PKHD1L1: variants seen among roughly 807,000 people sequenced by gnomAD.
PKHD1L1 encodes the protein PKHD1 like 1.
In PKHD1L1, 434 loss-of-function variants were observed where a neutral mutation model predicts 462.9. The ratio of observed to expected loss-of-function variants is 0.94; its 90% CI spans 0.87 to 1.02. PKHD1L1 has a LOEUF of 1.02. Among genes scored for constraint, PKHD1L1 ranks in the 50% least tolerant of loss-of-function variants. PKHD1L1 has a pLI of 0.00. For synonymous variants in PKHD1L1, 1,781 were observed against 1,750.0 expected, an observed-to-expected ratio of 1.02 and a Z score of -0.44; for missense variants, 5,202 against 5,096.1, an observed-to-expected ratio of 1.02 and a Z score of -0.63.
In PKHD1L1 at chr8:109,464,799, G is replaced by A; in HGVS notation, c.7967G>A (p.Cys2656Tyr). The A allele has an allele frequency of 6.2e-7, 1 of 1,613,774 alleles. No homozygotes were observed. Among genetic ancestry groups the A allele is most frequent in the Non-Finnish European group, 8.5e-7 (1 of 1,179,782 alleles). The change falls in exon 49 of 78, where the codon TGT (cysteine) becomes TAT (tyrosine). Residue 2656 changes from cysteine to tyrosine, a missense_variant. Cys to Tyr is a radical substitution (Grantham distance 194). This residue lies in a region of PKHD1L1 where 4,497 missense variants were observed against 4,336.8 expected (regional missense o/e 1.04). Transcript: ENST00000378402. ...AIFNSLTTWNCQKGAEWVNGG... is the reference protein window; with the variant it reads ...AIFNSLTTWNYQKGAEWVNGG... ...TTTAACTCACTTACTACTTGGAATT[G>A]TCAAAAAGGAGCTGAATGGGTCAAT...
At chr8:109,504,555 C>A in intron 68 of PKHD1L1, 63 bp downstream of exon 68, 2 of 1,024,464 alleles carry the variant, frequency 2.0e-6, no homozygotes, top group Admixed American at 3.9e-5. Context: ...CTTCCTCCTG[C>A]TCAAGATCTG....
In PKHD1L1 at chr8:109,400,529, C is replaced by A. The variant is rs1167446333; in HGVS notation, c.1281+185C>A. Among the ~76,000 whole-genome samples the A allele has an allele frequency of 2.0e-5, 3 of 151,912 alleles. No homozygotes were observed. The South Asian group carries it at 6.2e-4, about 32-fold the overall frequency. ...TATAAGATGATAGAAAACCTATAGCCTACAAGAAAATTTCCCGTACCTGAA... is the reference window on the plus strand; with the variant it reads ...TATAAGATGATAGAAAACCTATAGCATACAAGAAAATTTCCCGTACCTGAA... On this transcript the variant is annotated intron_variant, in intron 13 of 77. Transcript: ENST00000378402.
chr8:109,374,074 C>T lies in PKHD1L1; in HGVS notation c.164-7296C>T, dbSNP rs185930631. ...GGATATCCTTGTTAACTTTCTGTCTCGTTGATCTGTCTAATGTTGACAGTG... is the reference window on the plus strand; with the variant it reads ...GGATATCCTTGTTAACTTTCTGTCTTGTTGATCTGTCTAATGTTGACAGTG... On this transcript the variant is annotated intron_variant, in intron 2 of 77. Transcript: ENST00000378402. Among the ~76,000 whole-genome samples, 287 of 152,136 alleles carry T rather than the reference C, an allele frequency of 1.9e-3. 2 individuals carry two copies. Among genetic ancestry groups the T allele is most frequent in the African/African-American group, 6.5e-3 (271 of 41,494 alleles).
At chr8:109,427,820 T>G (rs935842516) in intron 25 of PKHD1L1, among the ~76,000 whole-genome samples, 1 of 151,720 alleles carries the variant, frequency 6.6e-6, no homozygotes, top group African/African-American at 2.4e-5. Context: ...GAGTTCGAGA[T>G]GAGCCTGACC....
rs1251072856 is a variant in PKHD1L1 at position 109,522,903 on chromosome 8, T to C, written c.12330+13T>C. 1 of 1,582,528 alleles carries C rather than the reference T, an allele frequency of 6.3e-7. No individual in the cohort carries two copies. Among genetic ancestry groups the C allele is most frequent in the African/African-American group, 1.4e-5 (1 of 73,984 alleles). ...AACAGATTCTGACGTAAGTCATAACTCAAAATTTTACTTAAGTGAAGGAAT... is the reference window on the plus strand; with the variant it reads ...AACAGATTCTGACGTAAGTCATAACCCAAAATTTTACTTAAGTGAAGGAAT... On this transcript the variant is annotated intron_variant, in intron 75 of 77. Coordinates refer to ENST00000378402, the MANE Select transcript of PKHD1L1 (RefSeq NM_177531.6).
intron 2 of PKHD1L1, among the ~76,000 whole-genome samples, chr8:109,365,154 G>A (rs555988298): frequency 6.6e-6 from 1 of 152,150 alleles, no homozygotes; most frequent in Non-Finnish European, 1.5e-5. Flanking sequence ...CTGGTCTTAG[G>A]ATGAAATGTA....
chr8:109,477,782 A>G (rs559329518), intron 53 of PKHD1L1, among the ~76,000 whole-genome samples: 3 of 152,298 alleles, frequency 2.0e-5, no homozygotes, highest in East Asian at 3.9e-4. Flanking sequence ...CGTGAATCCA[A>G]TGCTTTCTTA....
chr8:109,420,965 C>T (rs1814433699), intron 23 of PKHD1L1, among the ~76,000 whole-genome samples: 1 of 151,864 alleles, frequency 6.6e-6, no homozygotes, highest in African/African-American at 2.4e-5. Context: ...AAATTATGGT[C>T]TCTTCCAATA....
intron 68 of PKHD1L1, among the ~76,000 whole-genome samples, chr8:109,506,743 A>G (rs1489803465): frequency 1.3e-5 from 2 of 152,198 alleles, no homozygotes; most frequent in African/African-American, 2.4e-5. Context: ...ATAGCTTCAT[A>G]TCTTTCTCAT....
intron 23 of PKHD1L1, among the ~76,000 whole-genome samples, chr8:109,424,121 C>T (rs1484132394): frequency 6.6e-6 from 1 of 152,098 alleles, no homozygotes; most frequent in African/African-American, 2.4e-5. Flanking sequence ...CTTTCTTAAA[C>T]TCACTCCTCA....
At chr8:109,412,662 GA>G (rs949719878) in intron 20 of PKHD1L1, among the ~76,000 whole-genome samples, 2 of 151,522 alleles carry the variant, frequency 1.3e-5, no homozygotes, top group Non-Finnish European at 2.9e-5. Flanking sequence ...TTTAATTTCA[GA>G]AAAAAATATT....
In PKHD1L1 at chr8:109,404,615, T is replaced by C; in HGVS notation, c.1435T>C (p.Tyr479His). Residue 479 changes from tyrosine (Y) to histidine (H), a missense_variant, in exon 15 of 78, where the codon TAC (tyrosine) becomes CAC (histidine). By Grantham distance (83) the Tyr-to-His change is moderately conservative. This residue lies in a region of PKHD1L1 where 4,497 missense variants were observed against 4,336.8 expected (regional missense o/e 1.04). Coordinates refer to ENST00000378402, the MANE Select transcript of PKHD1L1 (RefSeq NM_177531.6). ...AAGTGCATTTGTTGATGTTGGACTG[T>C]ACCAGTATCGAAATGTTTATACTGA... is the stretch of plus-strand genomic sequence containing the variant. The part of the protein sequence containing the change: ...RLSAFVDVGL[Y>H]QYRNVYTEQQ... 3.7e-6 allele frequency: 6 copies of C among 1,607,622 alleles called. No homozygotes were observed. Among genetic ancestry groups the C allele is most frequent in the Non-Finnish European group, 5.1e-6 (6 of 1,176,278 alleles).
chr8:109,397,945 T>A (rs910848408), intron 11 of PKHD1L1, among the ~76,000 whole-genome samples: 3 of 152,168 alleles, frequency 2.0e-5, no homozygotes, highest in Non-Finnish European at 4.4e-5. Context: ...AATAGCTATC[T>A]TTTAGCCTTT....
At chr8:109,419,536 A>T (rs1194080335) in intron 22 of PKHD1L1, among the ~76,000 whole-genome samples, 1 of 151,970 alleles carries the variant, frequency 6.6e-6, no homozygotes, top group Non-Finnish European at 1.5e-5. Context: ...ACTATGTCAA[A>T]CATTTTCTTT....
intron 52 of PKHD1L1, 37 bp from the exon 53 acceptor site, chr8:109,477,188 A>G (rs1818031561): frequency 2.5e-6 from 4 of 1,605,872 alleles, no homozygotes; most frequent in Non-Finnish European, 3.4e-6. Flanking sequence ...TACTTTGGTC[A>G]CTATGTTCAT....
chr8:109,530,470 TGAG>T lies in PKHD1L1; in HGVS notation c.*382_*384del, dbSNP rs980735614. ...CATTTTAAGTATTCTTTTTAATACT[TGAG>T]GGGGGGGGTTCTTATTTTCTCTATC... is the stretch of plus-strand genomic sequence containing the variant. On this transcript the variant is annotated 3_prime_UTR_variant, in exon 78 of 78. Coordinates refer to ENST00000378402, the MANE Select transcript of PKHD1L1 (RefSeq NM_177531.6). 3 of 138,046 alleles carry T rather than the reference TGAG, an allele frequency of 2.2e-5. No homozygotes were observed. Among genetic ancestry groups the T allele is most frequent in the African/African-American group, 9.1e-5 (3 of 33,046 alleles). 8.6% of individuals were successfully genotyped at this position (138,046 alleles called of 1,614,324 possible).
chr8:109,471,625 G>C (rs757489528), intron 50 of PKHD1L1, among the ~76,000 whole-genome samples: 3 of 152,122 alleles, frequency 2.0e-5, no homozygotes, highest in Non-Finnish European at 4.4e-5. Flanking sequence ...ACGGTAACAA[G>C]AGTATGTGGC....
In PKHD1L1 at chr8:109,445,399, G is replaced by T. The variant is rs755648321; in HGVS notation, c.5530G>T (p.Gly1844Cys). ...TCTATCACCAACTTCTGGAAGCATTGGTGGTGGAACTACACTGGTGATCAC... is the reference window on the plus strand; with the variant it reads ...TCTATCACCAACTTCTGGAAGCATTTGTGGTGGAACTACACTGGTGATCAC... Reference protein sequence around the residue: ...ASLSPTSGSIGGGTTLVITGN... With the variant: ...ASLSPTSGSICGGTTLVITGN... Residue 1844 changes from glycine (G) to cysteine (C), a missense_variant, in exon 38 of 78, where the codon GGT becomes TGT. Gly to Cys is a radical substitution (Grantham distance 159). This residue lies in a region of PKHD1L1 where 4,497 missense variants were observed against 4,336.8 expected (regional missense o/e 1.04). Transcript: ENST00000378402. 1 of 1,613,914 alleles carries T rather than the reference G, an allele frequency of 6.2e-7. No homozygotes were observed. The highest frequency in any genetic ancestry group is 8.5e-7 in the Non-Finnish European group (1 of 1,179,868).
Position 109,452,142 on chromosome 8 carries a change from T to G in PKHD1L1, c.6369T>G (p.Val2123=), listed in dbSNP as rs775874533. The G allele has an allele frequency of 7.5e-6, 12 of 1,610,380 alleles. No individual in the cohort carries two copies. Among genetic ancestry groups the G allele is most frequent in the Non-Finnish European group, 1.0e-5 (12 of 1,178,462 alleles). The change falls in exon 42 of 78, where the codon GTT becomes GTG. Residue 2123 remains valine (V), a synonymous_variant. Transcript: ENST00000378402. ...TTTACAGTGAAAATATGGAGGATGT[T>G]CATATCACCATAGCTGAAGCCAAAT... The part of the protein sequence containing the change: ...GSGFSENMED[V]HITIAEAKCD...
Sources: allele counts gnomAD v4.1 joint callset (sites outside exome capture counted in the v4.1 genomes callset), GRCh38; gene constraint gnomAD v4.1.1; regional missense constraint gnomAD v4.1.1; transcripts MANE v1.5; gene names NCBI Gene and HGNC (gene_info 2026-07-23, HGNC 2026-07-21).